Variants in PTDSS1 observed in about 807,000 individuals in gnomAD.
The protein encoded by PTDSS1 is PSS-1.
PTDSS1 carries 45 observed loss-of-function variants against 70.5 expected under a neutral mutation model. The ratio of observed to expected loss-of-function variants is 0.64; its 90% CI spans 0.50 to 0.82. The LOEUF (loss-of-function observed/expected upper bound fraction) is 0.82. Among genes scored for constraint, PTDSS1 ranks in the 40% least tolerant of loss-of-function variants. PTDSS1 has a pLI of 0.00. For missense variants in PTDSS1, 417 were observed against 586.1 expected (o/e 0.71, Z 2.98); for synonymous variants, 188 against 203.8 (o/e 0.92, Z 0.66).
At chr8:96,302,580 T>TTGG (rs975687835) in intron 6 of PTDSS1, among the ~76,000 whole-genome samples, 15 of 151,912 alleles carry the variant, frequency 9.9e-5, no homozygotes, top group African/African-American at 3.4e-4. Flanking sequence ...GCTTTCCTTG[T>TTGG]TGTTGTTGTT....
chr8:96,267,947 C>T (rs1810511680), intron 1 of PTDSS1, among the ~76,000 whole-genome samples: 1 of 152,178 alleles, frequency 6.6e-6, no homozygotes, highest in African/African-American at 2.4e-5. Context: ...TGGTTCCCTT[C>T]CAAGATACCT....
intron 10 of PTDSS1, among the ~76,000 whole-genome samples, chr8:96,330,004 A>T (rs1053686145): frequency 4.6e-5 from 7 of 152,232 alleles, no homozygotes; most frequent in African/African-American, 1.4e-4. Flanking sequence ...CACAGGTAGT[A>T]ACTGTGGTCT....
intron 12 of PTDSS1, 111 bp downstream of exon 12, chr8:96,331,206 C>A: frequency 1.0e-6 from 1 of 977,988 alleles, no homozygotes; most frequent in Non-Finnish European, 1.6e-6. Context: ...TCAGGCCTAC[C>A]CATTGAATGT....
At chr8:96,306,661 A>G in intron 8 of PTDSS1, 105 bp downstream of exon 8, 1 of 865,540 alleles carries the variant, frequency 1.2e-6, no homozygotes, top group Non-Finnish European at 1.9e-6. Flanking sequence ...TTCCATGAAA[A>G]TACCATCGTA....
At chr8:96,275,152 A>C (rs1284764230) in intron 2 of PTDSS1, among the ~76,000 whole-genome samples, 2 of 152,130 alleles carry the variant, frequency 1.3e-5, no homozygotes, top group African/African-American at 2.4e-5. Flanking sequence ...TAATTAAAAA[A>C]AAAAATTTTA....
At chr8:96,303,964 C>T in intron 6 of PTDSS1, 76 bp from the exon 7 acceptor site, 1 of 1,446,730 alleles carries the variant, frequency 6.9e-7, no homozygotes, top group South Asian at 1.3e-5. Context: ...CATCAGTGCA[C>T]AGGATTTTTT....
rs149333353 is a variant in PTDSS1, at chr8:96,266,961, T to C, written c.179+4742T>C. On this transcript the variant is annotated intron_variant, in intron 1 of 12. Coordinates refer to ENST00000517309, the MANE Select transcript of PTDSS1 (RefSeq NM_014754.3). ...TGAATGGGCACTTGGGTGACTTAAA[T>C]ATTTATTTGGCTTAGATGATGCCTC... Among the ~76,000 whole-genome samples the C allele has an allele frequency of 7.3e-3, 1,109 of 152,316 alleles. 13 individuals carry two copies. Among genetic ancestry groups the C allele is most frequent in the African/African-American group, 0.025 (1,051 of 41,548 alleles).
intron 4 of PTDSS1, among the ~76,000 whole-genome samples, chr8:96,293,107 G>T (rs555539930): frequency 6.6e-6 from 1 of 152,174 alleles, no homozygotes; most frequent in African/African-American, 2.4e-5. Context: ...ATGCATGCAC[G>T]TTCCGTGATC....
At chr8:96,273,489 G>A (rs1810596378) in intron 2 of PTDSS1, 99 bp downstream of exon 2, 1 of 957,392 alleles carries the variant, frequency 1.0e-6, no homozygotes, top group South Asian at 1.7e-5. Flanking sequence ...GAAATAATCT[G>A]AGTTTTGTGT....
chr8:96,285,694 C>T (rs1340550117), intron 3 of PTDSS1, among the ~76,000 whole-genome samples: 1 of 152,194 alleles, frequency 6.6e-6, no homozygotes, highest in East Asian at 1.9e-4. Flanking sequence ...TAGATAGACC[C>T]ATTCCCTATG....
At chr8:96,284,783 ATG>A (rs1469526789) in intron 3 of PTDSS1, among the ~76,000 whole-genome samples, 2 of 152,378 alleles carry the variant, frequency 1.3e-5, no homozygotes, top group African/African-American at 4.8e-5. Flanking sequence ...GGTTTGGAAA[ATG>A]TAATCTTATG....
chr8:96,314,494 C>G (rs1811257432), intron 9 of PTDSS1, among the ~76,000 whole-genome samples: 1 of 152,154 alleles, frequency 6.6e-6, no homozygotes. Context: ...AGCTTTATAG[C>G]CAGTTCCCCT....
At chr8:96,266,517 C>T (rs979412044) in intron 1 of PTDSS1, among the ~76,000 whole-genome samples, 2 of 152,174 alleles carry the variant, frequency 1.3e-5, no homozygotes, top group Admixed American at 6.5e-5. Flanking sequence ...GCTAGCATTC[C>T]CTGTTCTTTC....
At position 96,333,902 on chromosome 8, in the gene PTDSS1, G is replaced by A; in HGVS notation, c.*336G>A. ...GCTCCGCGCCTGCTGGATCGTGGAT[G>A]CAGCGTAAACATCTTCCTTCAGACG... On this transcript the variant is annotated 3_prime_UTR_variant, in exon 13 of 13. Transcript: ENST00000517309. 3.3e-6 allele frequency: 2 copies of A among 606,236 alleles called. No homozygotes were observed. Among genetic ancestry groups the A allele is most frequent in the Non-Finnish European group, 5.9e-6 (2 of 338,180 alleles). 37.6% of individuals were successfully genotyped at this position (606,236 alleles called of 1,614,324 possible).
chr8:96,330,342 T>A, intron 11 of PTDSS1, 61 bp downstream of exon 11: 1 of 1,504,534 alleles, frequency 6.6e-7, no homozygotes, highest in Non-Finnish European at 9.2e-7. Context: ...CTCGGCAAAT[T>A]CGCTCAGAGC....
At chr8:96,333,036 G>A (rs1013717848) in intron 12 of PTDSS1, among the ~76,000 whole-genome samples, 37 of 152,200 alleles carry the variant, frequency 2.4e-4, no homozygotes, top group African/African-American at 8.7e-4. Context: ...TCCTGATGTC[G>A]GGTTTAGAAG....
chr8:96,270,860 A>T (rs1022455780), intron 1 of PTDSS1, among the ~76,000 whole-genome samples: 1 of 152,232 alleles, frequency 6.6e-6, no homozygotes, highest in East Asian at 1.9e-4. Flanking sequence ...TTCTAATAAA[A>T]TTGCTCAAAA....
intron 4 of PTDSS1, among the ~76,000 whole-genome samples, chr8:96,292,819 CT>C (rs1810926044): frequency 6.6e-6 from 1 of 152,250 alleles, no homozygotes; most frequent in Non-Finnish European, 1.5e-5. Context: ...CAACCACAAG[CT>C]GCTTCTGCAA....
chr8:96,273,369 A>G lies in PTDSS1; in HGVS notation c.250A>G (p.Ser84Gly). ...LSVIFFFLII[S>G]VLAFPNGPFT... ...TGTTATTTTCTTCTTTCTTATCATC[A>G]GTGTGTTAGCTTTCCCCAATGGTAA... The change falls in exon 2 of 13, where the codon AGT becomes GGT. Residue 84 changes from serine to glycine, a missense_variant. Physicochemically the swap from Ser to Gly is moderately conservative, Grantham distance 56 (BLOSUM62 0). Coordinates refer to ENST00000517309, the MANE Select transcript of PTDSS1 (RefSeq NM_014754.3). 6.2e-7 allele frequency: 1 copy of G among 1,612,424 alleles called. No individual in the cohort carries two copies. The highest frequency in any genetic ancestry group is 8.5e-7 in the Non-Finnish European group (1 of 1,179,064).
Sources: gnomAD v4.1 joint callset for allele counts (sites outside exome capture counted in the v4.1 genomes callset) on GRCh38, gnomAD v4.1.1 for gene constraint, MANE v1.5 for transcripts, NCBI Gene and HGNC (gene_info 2026-07-23, HGNC 2026-07-21) for gene names.